The following SIDT2 variants were observed in gnomAD, a reference collection of about 807,000 sequenced individuals.
SIDT2 encodes SID1 transmembrane family member 2, also known as SID1 transmembrane family, member 2.
A neutral mutation model predicts 114.4 loss-of-function variants in SIDT2; 68 were observed. The ratio of observed to expected loss-of-function variants is 0.59; its 90% CI spans 0.49 to 0.73. The LOEUF is 0.73. Ranked by LOEUF, SIDT2 falls within the 30% of genes least tolerant of loss-of-function variation. The probability of loss-of-function intolerance (pLI) is 0.00; values close to 1 mark genes in which losing one functional copy is unlikely to be tolerated. For missense variants in SIDT2, 918 were observed against 1,097.1 expected, an observed-to-expected ratio of 0.84 and a Z score of 2.31; for synonymous variants, 470 against 438.4, an observed-to-expected ratio of 1.07 and a Z score of -0.90.
chr11:117,183,951 C>T (rs1297157137), intron 7 of SIDT2, 73 bp downstream of exon 7: 19 of 1,494,610 alleles, frequency 1.3e-5, no homozygotes, highest in African/African-American at 5.5e-5. Flanking sequence ...GAAGAGCCTG[C>T]GTGGCTGATT....
At chr11:117,181,660 C>T (rs1380134009) in intron 2 of SIDT2, 123 bp downstream of exon 2, 2 of 1,572,830 alleles carry the variant, frequency 1.3e-6, no homozygotes, top group African/African-American at 1.3e-5. Context: ...GTCAACAGCA[C>T]AAGGGCCGAG....
In SIDT2 at chr11:117,181,872, A is replaced by T; in HGVS notation, c.371A>T (p.Glu124Val). Residue 124 changes from glutamate to valine, a missense_variant, in exon 3 of 26, where the codon GAG becomes GTG. Physicochemically the swap from Glu to Val is moderately radical, Grantham distance 121. Transcript: ENST00000324225. ...RTLCQPPTKN[E>V]SEIQFFYVDV... ...CTGTGTCAGCCCCCCACCAAGAATGAGTCGGAGATTCAGTTCTTCTACGTG... is the reference window on the plus strand; with the variant it reads ...CTGTGTCAGCCCCCCACCAAGAATGTGTCGGAGATTCAGTTCTTCTACGTG... 6.2e-7 allele frequency: 1 copy of T among 1,614,150 alleles called. No individual in the cohort carries two copies. The highest frequency in any genetic ancestry group is 1.1e-5 in the South Asian group (1 of 91,080).
Position 117,192,768 on chromosome 11 carries a change from C to T in SIDT2, c.2059-52C>T, listed in dbSNP as rs1327665802. The T allele has an allele frequency of 2.7e-5, 43 of 1,613,178 alleles. No homozygotes were observed. The East Asian group carries it at 8.5e-4, about 32-fold the overall frequency. On this transcript the variant is annotated intron_variant, in intron 21 of 25. Coordinates refer to ENST00000324225, the MANE Select transcript of SIDT2 (RefSeq NM_001040455.2). The surrounding 1 kb of genome is among the most constrained non-coding windows in gnomAD (Gnocchi z 5.9). ...GGGACCAGCTGGCTGGGCCTTCTTCCACCACCCTCCCTGCCCCTGCCCTCA... is the reference window on the plus strand; with the variant it reads ...GGGACCAGCTGGCTGGGCCTTCTTCTACCACCCTCCCTGCCCCTGCCCTCA...
Position 117,190,105 on chromosome 11 carries a change from G to A in SIDT2, c.1494-61G>A. 1.9e-6 allele frequency: 3 copies of A among 1,612,508 alleles called. No individual in the cohort carries two copies. Among genetic ancestry groups the A allele is most frequent in the Admixed American group, 1.7e-5 (1 of 59,952 alleles). ...GCCTGGGGCTTTGCAATGCCCACGT[G>A]GGCTAGGGAAGAGGCCTGGGTGTGA... On this transcript the variant is annotated intron_variant, in intron 16 of 25. Transcript: ENST00000324225. The surrounding 1 kb of genome is among the most constrained non-coding windows in gnomAD (Gnocchi z 4.1).
At position 117,192,874 on chromosome 11, in the gene SIDT2, T is replaced by C; in HGVS notation, c.2105+8T>C. 6.2e-7 allele frequency: 1 copy of C among 1,614,140 alleles called. No homozygotes were observed. Among genetic ancestry groups the C allele is most frequent in the Non-Finnish European group, 8.5e-7 (1 of 1,180,032 alleles). The stretch of plus-strand genomic sequence containing the variant: ...CGTCATCAACTGGTCGCTGTGAGTA[T>C]GGTCAGCAGTAGTGGCCTGGTTGGG... On this transcript the variant is annotated splice_region_variant and intron_variant, in intron 22 of 25. Coordinates refer to ENST00000324225, the MANE Select transcript of SIDT2 (RefSeq NM_001040455.2). This position sits in a 1 kb window ranked among gnomAD's most constrained non-coding sequence, Gnocchi z 5.9.
intron 8 of SIDT2, 72 bp downstream of exon 8, chr11:117,184,211 G>GGT (rs1396320147): frequency 6.8e-7 from 1 of 1,477,554 alleles, no homozygotes; most frequent in East Asian, 2.3e-5. Flanking sequence ...TGGGATATAG[G>GGT]GTGTGCCCTG....
At chr11:117,182,398 C>G (rs2030323484) in intron 4 of SIDT2, 121 bp from the exon 5 acceptor site, 1 of 867,562 alleles carries the variant, frequency 1.2e-6, no homozygotes, top group Non-Finnish European at 1.9e-6. Flanking sequence ...CCTCGGAGAG[C>G]CTCCACTGCC....
At chr11:117,182,172 C>G in intron 4 of SIDT2, 67 bp downstream of exon 4, 1 of 1,575,322 alleles carries the variant, frequency 6.3e-7, no homozygotes, top group South Asian at 1.1e-5. Context: ...ATGGGAGTGG[C>G]CAGCGGTCTT....
At position 117,190,318 on chromosome 11, in the gene SIDT2, GC is replaced by G; in HGVS notation, c.1617+31del. On this transcript the variant is annotated intron_variant, in intron 17 of 25. Coordinates refer to ENST00000324225, the MANE Select transcript of SIDT2 (RefSeq NM_001040455.2). This position sits in a 1 kb window ranked among gnomAD's most constrained non-coding sequence, Gnocchi z 4.1. ...AGGGAGCACCTGCCTGCCTGCCGCA[GC>G]CTCAGCTCCAGCACAGACCTCAAGC... 6.6e-7 allele frequency: 1 copy of G among 1,525,858 alleles called. No homozygotes were observed. Among genetic ancestry groups the G allele is most frequent in the Non-Finnish European group, 8.8e-7 (1 of 1,138,358 alleles). 94.5% of individuals were successfully genotyped at this position (1,525,858 alleles called of 1,614,324 possible). A position where few individuals can be genotyped will look rare whatever the true frequency, so the allele number is the denominator to read the frequency against.
chr11:117,186,865 A>C, intron 10 of SIDT2: 1 of 1,171,904 alleles, frequency 8.5e-7, no homozygotes, highest in South Asian at 1.3e-5. Context: ...ATGTCTAGCG[A>C]TGGTGTCTGC....
intron 5 of SIDT2, 48 bp from the exon 6 acceptor site, chr11:117,182,675 A>T (rs1270832736): frequency 6.2e-7 from 1 of 1,613,924 alleles, no homozygotes; most frequent in East Asian, 2.2e-5. Flanking sequence ...TGCTAAAGAG[A>T]GGGGCAGGCC....
At position 117,188,268 on chromosome 11, in the gene SIDT2, C is replaced by G. The variant is rs78945568; in HGVS notation, c.1160-440C>G. ...CTGGCCTCTGGATAAAGGAGAAATG[C>G]TCTTTCTGCACCCCAGGCCCACTGG... On this transcript the variant is annotated intron_variant, in intron 12 of 25. Coordinates refer to ENST00000324225, the MANE Select transcript of SIDT2 (RefSeq NM_001040455.2). The surrounding 1 kb of genome is among the most constrained non-coding windows in gnomAD (Gnocchi z 4.0). 1,573 of 321,162 alleles carry G rather than the reference C, an allele frequency of 4.9e-3. 28 individuals carry two copies. The highest frequency in any genetic ancestry group is 0.032 in the African/African-American group (1,462 of 46,344). The allele number at this position is 321,162 out of a possible 1,614,324, so 19.9% of individuals were successfully genotyped here.
chr11:117,191,552 C>T (rs1425811118), intron 18 of SIDT2: 11 of 287,176 alleles, frequency 3.8e-5, no homozygotes, highest in Middle Eastern at 1.1e-3. Context: ...CCATTGCACG[C>T]CAGCCTGGGC....
chr11:117,196,186 C>T lies in SIDT2; in HGVS notation c.*120C>T. ...ACCGCTGCCCAGCACTGGATGGCAG[C>T]AGGACAGCCAGGTCTAGCTTAGGCT... is the stretch of plus-strand genomic sequence containing the variant. On this transcript the variant is annotated 3_prime_UTR_variant, in exon 26 of 26. Transcript: ENST00000324225. The surrounding 1 kb of genome is among the most constrained non-coding windows in gnomAD (Gnocchi z 4.9). 3.8e-6 allele frequency: 5 copies of T among 1,332,826 alleles called. No homozygotes were observed. The highest frequency in any genetic ancestry group is 5.2e-6 in the Non-Finnish European group (5 of 959,404). The allele number at this position is 1,332,826 out of a possible 1,614,324, so 82.6% of individuals were successfully genotyped here.
intron 10 of SIDT2, 96 bp from the exon 11 acceptor site, chr11:117,187,282 C>T: frequency 8.1e-7 from 1 of 1,240,316 alleles, no homozygotes; most frequent in Non-Finnish European, 1.2e-6. Context: ...CATGGCCTCC[C>T]TGTGGCTGTC....
At chr11:117,195,768 G>A (rs1002329046) in intron 24 of SIDT2, 34 bp from the exon 25 acceptor site, 9 of 1,612,280 alleles carry the variant, frequency 5.6e-6, no homozygotes, top group Non-Finnish European at 7.6e-6. Context: ...GCCAGAGCAG[G>A]GTCATTCGGC....
At position 117,183,731 on chromosome 11, in the gene SIDT2, A is replaced by T. The variant is rs372277416; in HGVS notation, c.703-48A>T. ...CCCCAGAACAAGTATTTAGAAAAGA[A>T]TGATGATGATGATGATGAAGAAGAT... is the stretch of plus-strand genomic sequence containing the variant. On this transcript the variant is annotated intron_variant, in intron 6 of 25. Coordinates refer to ENST00000324225, the MANE Select transcript of SIDT2 (RefSeq NM_001040455.2). The T allele has an allele frequency of 7.1e-5, 81 of 1,134,812 alleles. No individual in the cohort carries two copies. In the African/African-American group the frequency reaches 9.6e-4, roughly 13 times the overall value. 70.3% of individuals were successfully genotyped at this position (1,134,812 alleles called of 1,614,324 possible).
chr11:117,181,095 C>T (rs1467406992), intron 1 of SIDT2, among the ~76,000 whole-genome samples: 3 of 152,078 alleles, frequency 2.0e-5, no homozygotes, highest in Admixed American at 2.0e-4. Flanking sequence ...GCCTGTGCAT[C>T]CTGTGCACAT....
intron 3 of SIDT2, 27 bp downstream of exon 3, chr11:117,181,998 C>CG (rs1176314594): frequency 3.7e-6 from 6 of 1,613,952 alleles, no homozygotes; most frequent in East Asian, 4.5e-5. Context: ...GAGGGGACCA[C>CG]GGGGGCTGGT....
Sources: allele counts gnomAD v4.1 joint callset (sites outside exome capture counted in the v4.1 genomes callset), GRCh38; gene constraint gnomAD v4.1.1; non-coding constraint Gnocchi (gnomAD v3.1); transcripts MANE v1.5; gene names NCBI Gene and HGNC (gene_info 2026-07-23, HGNC 2026-07-21).